Variants in ACYP2 observed in about 807,000 individuals in gnomAD.
The protein encoded by ACYP2 is acylphosphatase-2.
Under a neutral mutation model 11.2 loss-of-function variants are expected in ACYP2, and 12 were observed. The ratio of observed to expected loss-of-function variants is 1.08; its 90% CI spans 0.69 to 1.74. The LOEUF (loss-of-function observed/expected upper bound fraction) is 1.74. Ranked by LOEUF, ACYP2 falls within the 40% of genes most tolerant of loss-of-function variation. ACYP2 has a pLI of 0.00. For missense variants in ACYP2, 134 were observed against 101.9 expected (o/e 1.31, Z -1.35); for synonymous variants, 43 against 32.2 (o/e 1.33, Z -1.13).
chr2:53,984,362 G>A (rs1671910879), intron 2 of ACYP2, among the ~76,000 whole-genome samples: 1 of 151,960 alleles, frequency 6.6e-6, no homozygotes, highest in African/African-American at 2.4e-5. Flanking sequence ...TGCATCACCT[G>A]AGGTCAGAAG....
At chr2:54,296,067 C>T (rs1389090857) in intron 6 of ACYP2, among the ~76,000 whole-genome samples, 1 of 152,170 alleles carries the variant, frequency 6.6e-6, no homozygotes, top group Non-Finnish European at 1.5e-5. Flanking sequence ...CCTGATCCTG[C>T]CACCTTCTTA....
intron 4 of ACYP2, among the ~76,000 whole-genome samples, chr2:54,109,610 T>C (rs1293439302): frequency 6.6e-6 from 1 of 152,178 alleles, no homozygotes; most frequent in Admixed American, 6.5e-5. Flanking sequence ...TATACTGAAA[T>C]GGTGAATCTG....
At chr2:54,267,574 T>A (rs1212541036) in intron 6 of ACYP2, among the ~76,000 whole-genome samples, 1 of 152,124 alleles carries the variant, frequency 6.6e-6, no homozygotes, top group Admixed American at 6.5e-5. Flanking sequence ...ATAATAGGCC[T>A]CCCTGGGGTA....
intron 6 of ACYP2, among the ~76,000 whole-genome samples, chr2:54,202,035 T>C (rs1684859235): frequency 6.6e-6 from 1 of 150,416 alleles, no homozygotes; most frequent in Non-Finnish European, 1.5e-5. Context: ...AGTTTCTGCT[T>C]AAAGCCCTGA....
intron 2 of ACYP2, among the ~76,000 whole-genome samples, chr2:54,026,699 A>G (rs982090224): frequency 2.0e-5 from 3 of 152,262 alleles, no homozygotes; most frequent in Non-Finnish European, 4.4e-5. Context: ...AGAGTCATGT[A>G]TCTATACCAT....
Position 54,050,961 on chromosome 2 carries a change from C to A in ACYP2, c.66C>A (p.Tyr22Ter). 1 of 408,610 alleles carries A rather than the reference C, an allele frequency of 2.4e-6. No homozygotes were observed. The highest frequency in any genetic ancestry group is 6.1e-4 in the Middle Eastern group (1 of 1,628). 25.3% of individuals were successfully genotyped at this position (408,610 alleles called of 1,614,324 possible). A position where few individuals can be genotyped will look rare whatever the true frequency, so the allele number is the denominator to read the frequency against. ...AAATTTTTTTCTTTTTTTGTAGATA[C>A]AAGGTCTCGCTGTTCTACCTAGGCT... The change falls in exon 3 of 7, where the codon TAC becomes TAA. Residue 22 changes from tyrosine to a stop codon, truncating the protein, a stop_gained. Coordinates refer to ENST00000607452, the MANE Select transcript of ACYP2 (RefSeq NM_001320586.2). LOFTEE classifies it high-confidence loss of function.
chr2:54,272,041 TCAAC>T (rs1688327136), intron 6 of ACYP2, among the ~76,000 whole-genome samples: 1 of 152,204 alleles, frequency 6.6e-6, no homozygotes, highest in Non-Finnish European at 1.5e-5. Flanking sequence ...TTTCAGTTCC[TCAAC>T]TGAGGAAGCC....
At chr2:54,067,666 AT>A (rs1299777467) in intron 4 of ACYP2, among the ~76,000 whole-genome samples, 1 of 152,204 alleles carries the variant, frequency 6.6e-6, no homozygotes, top group Non-Finnish European at 1.5e-5. Flanking sequence ...ACCTAAAATT[AT>A]TTTTTAAACA....
At chr2:54,193,795 T>A (rs1684338070) in intron 6 of ACYP2, among the ~76,000 whole-genome samples, 1 of 152,184 alleles carries the variant, frequency 6.6e-6, no homozygotes, top group African/African-American at 2.4e-5. Flanking sequence ...AATTAGGATA[T>A]TACTGTTGTC....
chr2:53,984,477 T>A (rs1164050559), intron 2 of ACYP2, among the ~76,000 whole-genome samples: 1 of 151,230 alleles, frequency 6.6e-6, no homozygotes, highest in Non-Finnish European at 1.5e-5. Flanking sequence ...ATTGGGAGGC[T>A]GAGGCAGGAT....
At chr2:54,250,754 G>A (rs1687186439) in intron 6 of ACYP2, among the ~76,000 whole-genome samples, 1 of 152,172 alleles carries the variant, frequency 6.6e-6, no homozygotes, top group African/African-American at 2.4e-5. Context: ...ATACATTGCT[G>A]TATACAGAAG....
chr2:54,130,597 A>G (rs1441455680), intron 4 of ACYP2, among the ~76,000 whole-genome samples: 2 of 152,244 alleles, frequency 1.3e-5, no homozygotes, highest in Non-Finnish European at 2.9e-5. Flanking sequence ...TTCTTGTAGT[A>G]GATGAGTTGA....
intron 6 of ACYP2, among the ~76,000 whole-genome samples, chr2:54,150,065 G>T (rs1407526729): frequency 1.3e-5 from 2 of 152,126 alleles, no homozygotes; most frequent in Non-Finnish European, 2.9e-5. Context: ...TGTATATAAT[G>T]GTGGAATTTT....
chr2:54,138,640 A>G lies in ACYP2; in HGVS notation c.296A>G (p.Tyr99Cys), dbSNP rs758998653. The G allele has an allele frequency of 9.3e-6, 15 of 1,612,982 alleles. No homozygotes were observed. The highest frequency in any genetic ancestry group is 1.3e-5 in the Non-Finnish European group (15 of 1,179,088). ...TCTTCTTGTTTTTTCCTGAAACAGT[A>G]TACAGAAGATGAAGCTAGGAAAATA... The change falls in exon 6 of 7, where the codon TAT (tyrosine) becomes TGT (cysteine). Residue 99 changes from tyrosine (Y) to cysteine (C), a missense_variant and splice_region_variant. Transcript: ENST00000607452.
intron 6 of ACYP2, among the ~76,000 whole-genome samples, chr2:54,297,780 A>G (rs958181728): frequency 5.3e-5 from 8 of 152,320 alleles, no homozygotes; most frequent in African/African-American, 1.2e-4. Context: ...AAATTTATCA[A>G]GAAATATACA....
intron 6 of ACYP2, chr2:54,255,788 C>A (rs771327631): frequency 1.2e-6 from 2 of 1,613,714 alleles, no homozygotes; most frequent in East Asian, 2.2e-5. Context: ...CCACCTAGGC[C>A]GTGCGTCTCT....
intron 4 of ACYP2, chr2:54,115,341 CTT>C (rs990756233): frequency 6.0e-6 from 3 of 503,000 alleles, no homozygotes; most frequent in African/African-American, 2.0e-5. Flanking sequence ...GGAAGCCACT[CTT>C]TTTTTGGGCA....
At chr2:54,294,772 C>A (rs1689452101) in intron 6 of ACYP2, among the ~76,000 whole-genome samples, 1 of 151,710 alleles carries the variant, frequency 6.6e-6, no homozygotes, top group Non-Finnish European at 1.5e-5. Flanking sequence ...AAAAATTAGC[C>A]AGGTGTGGTG....
At chr2:54,025,411 C>A (rs886427458) in intron 2 of ACYP2, among the ~76,000 whole-genome samples, 2 of 152,074 alleles carry the variant, frequency 1.3e-5, no homozygotes, top group African/African-American at 2.4e-5. Flanking sequence ...GAATAGAGAA[C>A]CTAGAAAGCC....
Sources: allele counts gnomAD v4.1 joint callset (sites outside exome capture counted in the v4.1 genomes callset), GRCh38; gene constraint gnomAD v4.1.1; transcripts MANE v1.5; gene names NCBI Gene and HGNC (gene_info 2026-07-23, HGNC 2026-07-21).